Variants in TRIM49D1 observed in about 807,000 individuals in gnomAD.
TRIM49D1 encodes the protein tripartite motif containing 49D1, also known as tripartite motif-containing protein 49D.
In TRIM49D1 at chr11:89,920,425, T is replaced by C. The variant is rs1950324656; in HGVS notation, c.-131A>G. 1 of 155,920 alleles carries C rather than the reference T, an allele frequency of 6.4e-6. No homozygotes were observed. The highest frequency in any genetic ancestry group is 3.3e-5 in the African/African-American group (1 of 30,558). 9.7% of individuals were successfully genotyped at this position (155,920 alleles called of 1,614,324 possible). A position where few individuals can be genotyped will look rare whatever the true frequency, so the allele number is the denominator to read the frequency against. On this transcript the variant is annotated 5_prime_UTR_variant, in exon 2 of 8. Transcript: ENST00000420869. Reference sequence around the variant, plus strand: ...GAGGTCACCAAAACACAGCTTCCTCTAAGTGCGCTCCTTCTCCTTTGGAGA... The same window carrying C: ...GAGGTCACCAAAACACAGCTTCCTCCAAGTGCGCTCCTTCTCCTTTGGAGA...
chr11:89,911,483 TAAAAC>T lies in TRIM49D1; in HGVS notation c.*99_*103del. 2 of 607,038 alleles carry T rather than the reference TAAAAC, an allele frequency of 3.3e-6. No homozygotes were observed. The highest frequency in any genetic ancestry group is 5.9e-6 in the Non-Finnish European group (2 of 339,074). 37.6% of individuals were successfully genotyped at this position (607,038 alleles called of 1,614,324 possible). ...TAACATTAGAATGCAATTCAAGACA[TAAAAC>T]AGAACGTATTTGTCCTGTTTGATAA... On this transcript the variant is annotated 3_prime_UTR_variant, in exon 8 of 8. Transcript: ENST00000420869.
At chr11:89,921,525 T>A (rs2134744994) in intron 1 of TRIM49D1, 1 of 152,164 alleles carries the variant, frequency 6.6e-6, no homozygotes, top group Middle Eastern at 3.4e-3. Context: ...AAGACAAATC[T>A]GTCAGCCCTA....
At position 89,920,320 on chromosome 11, in the gene TRIM49D1, C is replaced by A. The variant is rs1950324069; in HGVS notation, c.-26G>T. ...TCACCGCTGGGTTCTTTGAAGGGTTCCCACAATGATTCTTCGAGAAATAAT... is the reference window on the plus strand; with the variant it reads ...TCACCGCTGGGTTCTTTGAAGGGTTACCACAATGATTCTTCGAGAAATAAT... On this transcript the variant is annotated 5_prime_UTR_variant, in exon 2 of 8. Transcript: ENST00000420869. 1 of 245,864 alleles carries A rather than the reference C, an allele frequency of 4.1e-6. No homozygotes were observed. Among genetic ancestry groups the A allele is most frequent in the Admixed American group, 9.5e-5 (1 of 10,490 alleles). The allele number at this position is 245,864 out of a possible 1,614,324, so 15.2% of individuals were successfully genotyped here. A position where few individuals can be genotyped will look rare whatever the true frequency, so the allele number is the denominator to read the frequency against.
chr11:89,921,042 A>C (rs1279832210), intron 1 of TRIM49D1, among the ~76,000 whole-genome samples: 2 of 152,170 alleles, frequency 1.3e-5, no homozygotes, highest in East Asian at 3.9e-4. Flanking sequence ...TCCAGCCTTA[A>C]ATGCTGCTTT....
chr11:89,921,029 T>C (rs1950328825), intron 1 of TRIM49D1, among the ~76,000 whole-genome samples: 1 of 152,080 alleles, frequency 6.6e-6, no homozygotes, highest in Non-Finnish European at 1.5e-5. Flanking sequence ...ATAAACCACC[T>C]CATCCAGCCT....
intron 1 of TRIM49D1, among the ~76,000 whole-genome samples, chr11:89,920,725 A>G (rs1355113451): frequency 6.6e-6 from 1 of 152,014 alleles, no homozygotes; most frequent in Non-Finnish European, 1.5e-5. Context: ...TTCATCCAAG[A>G]TACAGGCATT....
At chr11:89,921,769 A>C (rs1950335906) in intron 1 of TRIM49D1, 83 bp downstream of exon 1, 1 of 152,064 alleles carries the variant, frequency 6.6e-6, no homozygotes, top group Admixed American at 6.6e-5. Flanking sequence ...GGAAGATTAC[A>C]GTCCCATTCG....
intron 1 of TRIM49D1, among the ~76,000 whole-genome samples, chr11:89,921,152 C>G (rs1333507944): frequency 6.6e-6 from 1 of 152,054 alleles, no homozygotes; most frequent in Non-Finnish European, 1.5e-5. Flanking sequence ...CCAAATAACT[C>G]TACTAATTTG....
At position 89,922,083 on chromosome 11, in the gene TRIM49D1, G is replaced by A. The variant is rs1950337837; in HGVS notation, c.-447C>T. Among the ~76,000 whole-genome samples the A allele has an allele frequency of 6.6e-6, 1 of 151,918 alleles. No individual in the cohort carries two copies. The highest frequency in any genetic ancestry group is 2.4e-5 in the African/African-American group (1 of 41,274). On this transcript the variant is annotated 5_prime_UTR_variant, in exon 1 of 8. Transcript: ENST00000420869. ...TTGTTTGCTTTGTCAAAGATCAGTT[G>A]GTTGTTAAGTATTTGGGTTCATTTC...
intron 1 of TRIM49D1, among the ~76,000 whole-genome samples, chr11:89,921,215 G>A (rs1317288917): frequency 6.6e-6 from 1 of 151,944 alleles, no homozygotes; most frequent in Non-Finnish European, 1.5e-5. Context: ...TGAAATACGA[G>A]TTATTATTTT....
At chr11:89,921,509 A>G (rs941093007) in intron 1 of TRIM49D1, 1 of 152,054 alleles carries the variant, frequency 6.6e-6, no homozygotes, top group Non-Finnish European at 1.5e-5. Flanking sequence ...GAGTGTCAGA[A>G]CAGTGAAGAC....
intron 1 of TRIM49D1, among the ~76,000 whole-genome samples, chr11:89,920,769 C>T (rs1785924303): frequency 7.2e-5 from 11 of 152,024 alleles, no homozygotes; most frequent in Admixed American, 7.2e-4. Flanking sequence ...TCTAGAGAAA[C>T]TGTCTGCTTG....
chr11:89,920,659 C>G (rs1376498164), intron 1 of TRIM49D1, among the ~76,000 whole-genome samples, 150 bp from the exon 2 acceptor site: 3 of 152,170 alleles, frequency 2.0e-5, no homozygotes, highest in African/African-American at 7.2e-5. Flanking sequence ...TAAATCCTAT[C>G]AGATTTGACA....
Position 89,920,579 on chromosome 11 carries a change from A to G in TRIM49D1, c.-215-70T>C, listed in dbSNP as rs1483051622. ...TAGGTTTATGCAGTATTTAGATCGC[A>G]CCTTTGCACCGCTGATTAAATTATC... On this transcript the variant is annotated intron_variant, in intron 1 of 7. Transcript: ENST00000420869. 1.4e-5 allele frequency: 4 copies of G among 288,814 alleles called. No individual in the cohort carries two copies. In the Admixed American group the frequency reaches 1.6e-4, roughly 11 times the overall value. The allele number at this position is 288,814 out of a possible 1,614,324, so 17.9% of individuals were successfully genotyped here.
In TRIM49D1 at chr11:89,921,963, A is replaced by G. The variant is rs1054164889; in HGVS notation, c.-327T>C. Among the ~76,000 whole-genome samples, 8 of 152,022 alleles carry G rather than the reference A, an allele frequency of 5.3e-5. No homozygotes were observed. Among genetic ancestry groups the G allele is most frequent in the African/African-American group, 1.9e-4 (8 of 41,330 alleles). On this transcript the variant is annotated 5_prime_UTR_variant, in exon 1 of 8. It removes the in-frame stop codon of an upstream open reading frame in the 5' UTR. Transcript: ENST00000420869. ...TGAATAACAATAAGAAAGTTTGTCT[A>G]TGCCACAAAGTCCAGTTTCATTCTC...
chr11:89,920,938 C>G (rs2134744045), intron 1 of TRIM49D1, among the ~76,000 whole-genome samples: 1 of 152,040 alleles, frequency 6.6e-6, no homozygotes, highest in East Asian at 1.9e-4. Flanking sequence ...GGGTATGGCT[C>G]TGTAGCCCAG....
intron 1 of TRIM49D1, among the ~76,000 whole-genome samples, chr11:89,921,298 T>C (rs1311473641): frequency 6.6e-6 from 1 of 152,060 alleles, no homozygotes; most frequent in Non-Finnish European, 1.5e-5. Flanking sequence ...ATTTGGGGAT[T>C]ATAAACAAGT....
chr11:89,911,859 TCCAATA>T lies in TRIM49D1; in HGVS notation c.1081_1086del (p.Tyr361_Trp362del). On this transcript the variant is annotated inframe_deletion, in exon 8 of 8. Coordinates refer to ENST00000420869, the MANE Select transcript of TRIM49D1 (RefSeq NM_001384911.1). Reference sequence around the variant, plus strand: ...ATATTGCCATTCTGATTCGTCCCTTTCCAATACTTATTACAGACACCAAAGGCCCAA... The same window carrying T: ...ATATTGCCATTCTGATTCGTCCCTTTCTTATTACAGACACCAAAGGCCCAA... 1 of 635,942 alleles carries T rather than the reference TCCAATA, an allele frequency of 1.6e-6. No individual in the cohort carries two copies. The highest frequency in any genetic ancestry group is 2.4e-6 in the Non-Finnish European group (1 of 416,394). 39.4% of individuals were successfully genotyped at this position (635,942 alleles called of 1,614,324 possible). A position where few individuals can be genotyped will look rare whatever the true frequency, so the allele number is the denominator to read the frequency against.
Position 89,922,096 on chromosome 11 carries a change from T to G in TRIM49D1, c.-460A>C, listed in dbSNP as rs1950337915. 6.6e-6 allele frequency among the ~76,000 whole-genome samples: 1 copy of G among 151,952 alleles called. No individual in the cohort carries two copies. Among genetic ancestry groups the G allele is most frequent in the Admixed American group, 6.6e-5 (1 of 15,256 alleles). On this transcript the variant is annotated 5_prime_UTR_variant, in exon 1 of 8. Coordinates refer to ENST00000420869, the MANE Select transcript of TRIM49D1 (RefSeq NM_001384911.1). Reference sequence around the variant, plus strand: ...CAAAGATCAGTTGGTTGTTAAGTATTTGGGTTCATTTCTGGGTTCTCTATT... The same window carrying G: ...CAAAGATCAGTTGGTTGTTAAGTATGTGGGTTCATTTCTGGGTTCTCTATT...
Sources: gnomAD v4.1 joint callset for allele counts (sites outside exome capture counted in the v4.1 genomes callset) on GRCh38, gnomAD v4.1.1 for gene constraint, MANE v1.5 for transcripts, NCBI Gene and HGNC (gene_info 2026-07-23, HGNC 2026-07-21) for gene names.